The following BDP1 variants were observed in gnomAD, a reference collection of about 807,000 sequenced individuals.
The protein encoded by BDP1 is transcription factor TFIIIB component B'' homolog.
A neutral mutation model predicts 266.6 loss-of-function variants in BDP1; 169 were observed. The ratio of observed to expected loss-of-function variants is 0.63; its 90% CI spans 0.56 to 0.72. The LOEUF (loss-of-function observed/expected upper bound fraction) is 0.72. BDP1 is among the 30% of genes least tolerant of loss of function. The pLI is 0.00. For synonymous variants in BDP1, 1,090 were observed against 1,022.4 expected, an observed-to-expected ratio of 1.07 and a Z score of -1.26; for missense variants, 3,015 against 3,053.8, an observed-to-expected ratio of 0.99 and a Z score of 0.30.
chr5:71,552,971 G>C, intron 34 of BDP1, 145 bp from the exon 35 acceptor site: 1 of 664,586 alleles, frequency 1.5e-6, no homozygotes, highest in East Asian at 2.7e-5. Context: ...CTCTTAGTTT[G>C]GAGTTTTTTG....
At chr5:71,477,172 T>C (rs1392507719) in intron 7 of BDP1, among the ~76,000 whole-genome samples, 2 of 152,028 alleles carry the variant, frequency 1.3e-5, no homozygotes, top group Non-Finnish European at 2.9e-5. Context: ...TTTCTTTTTT[T>C]TTCTTTCGAG....
At chr5:71,498,201 T>C (rs1764010904) in intron 13 of BDP1, among the ~76,000 whole-genome samples, 1 of 152,098 alleles carries the variant, frequency 6.6e-6, no homozygotes, top group Admixed American at 6.6e-5. Flanking sequence ...CTGCCTGCTT[T>C]GGCCTCCCAA....
Position 71,510,145 on chromosome 5 carries a change from A to T in BDP1, c.3053A>T (p.Glu1018Val). The change falls in exon 17 of 39, where the codon GAG (glutamate) becomes GTG (valine). Residue 1018 changes from glutamate (E) to valine (V), a missense_variant. Physicochemically the swap from Glu to Val is moderately radical, Grantham distance 121. Coordinates refer to ENST00000358731, the MANE Select transcript of BDP1 (RefSeq NM_018429.3). ...METDLNATGR[E>V]SSPREKTPEV... ...ACAGATTTGAACGCAACTGGAAGAGAGAGTTCTCCAAGGGAGAAGACACCA... is the reference window on the plus strand; with the variant it reads ...ACAGATTTGAACGCAACTGGAAGAGTGAGTTCTCCAAGGGAGAAGACACCA... 1 of 1,614,002 alleles carries T rather than the reference A, an allele frequency of 6.2e-7. No homozygotes were observed. Among genetic ancestry groups the T allele is most frequent in the African/African-American group, 1.3e-5 (1 of 74,978 alleles).
intron 24 of BDP1, 46 bp downstream of exon 24, chr5:71,522,995 CACTTA>C: frequency 2.7e-6 from 4 of 1,492,394 alleles, no homozygotes; most frequent in East Asian, 2.4e-5. Flanking sequence ...AAATAAAAAT[CACTTA>C]ACTTTTACCT....
intron 30 of BDP1, among the ~76,000 whole-genome samples, chr5:71,542,484 C>T (rs551937344): frequency 5.3e-5 from 8 of 151,994 alleles, no homozygotes; most frequent in African/African-American, 1.9e-4. Flanking sequence ...ATTTTTTGTC[C>T]TTTTATTCTC....
At chr5:71,489,847 G>T (rs922718177) in intron 10 of BDP1, among the ~76,000 whole-genome samples, 165 bp downstream of exon 10, 8 of 152,132 alleles carry the variant, frequency 5.3e-5, no homozygotes, top group Non-Finnish European at 8.8e-5. Flanking sequence ...AATTAAAAAA[G>T]TTTATGTAAA....
chr5:71,458,744 A>G lies in BDP1; in HGVS notation c.378A>G (p.Pro126=). 6.2e-7 allele frequency: 1 copy of G among 1,614,182 alleles called. No homozygotes were observed. Among genetic ancestry groups the G allele is most frequent in the Non-Finnish European group, 8.5e-7 (1 of 1,180,024 alleles). The change falls in exon 2 of 39, where the codon CCA becomes CCG. Residue 126 remains proline, a synonymous_variant. Transcript: ENST00000358731. ...TATCTACAATTAATCAAGAGGCTCC[A>G]CAGCCAACTGCCACTTCAACAAAAG... ...HPLSTINQEA[P]QPTATSTKEK...
chr5:71,553,420 T>G, intron 35 of BDP1, 100 bp downstream of exon 35: 1 of 734,906 alleles, frequency 1.4e-6, no homozygotes, highest in Non-Finnish European at 2.2e-6. Context: ...CTTTAAACTT[T>G]TAGATATATA....
At chr5:71,492,439 A>G (rs1306887469) in intron 11 of BDP1, among the ~76,000 whole-genome samples, 1 of 152,170 alleles carries the variant, frequency 6.6e-6, no homozygotes, top group Non-Finnish European at 1.5e-5. Context: ...CCTTCTGAAC[A>G]GGTAGAAGGT....
At chr5:71,474,588 C>T (rs1427828312) in intron 7 of BDP1, among the ~76,000 whole-genome samples, 1 of 151,884 alleles carries the variant, frequency 6.6e-6, no homozygotes, top group Non-Finnish European at 1.5e-5. Context: ...TGACTCACGC[C>T]TGTAATCCTA....
chr5:71,461,421 G>T (rs796523635), intron 2 of BDP1, among the ~76,000 whole-genome samples: 1 of 151,248 alleles, frequency 6.6e-6, no homozygotes, highest in African/African-American at 2.4e-5. Context: ...CCTTGGCAAC[G>T]TAGGGAGACT....
rs13173657 is a variant in BDP1 at position 71,546,645 on chromosome 5, A to C, written c.6744+1426A>C. ...AAAAAAAAAAAAAAAAAAAAAAAAA[A>C]CCAAAAAACTGAATCATTTGAAAGT... On this transcript the variant is annotated intron_variant, in intron 32 of 38. Transcript: ENST00000358731. Among the ~76,000 whole-genome samples the C allele has an allele frequency of 3.7e-5, 5 of 134,484 alleles. No individual in the cohort carries two copies. In the South Asian group the frequency reaches 1.2e-3, roughly 33 times the overall value. The allele number at this position is 134,484 out of a possible 152,430, so 88.2% of individuals were successfully genotyped here.
In BDP1 at chr5:71,456,006, T is replaced by C. The variant is rs1461847087; in HGVS notation, c.129T>C (p.Ser43=). 1.9e-6 allele frequency: 3 copies of C among 1,613,620 alleles called. No homozygotes were observed. The highest frequency in any genetic ancestry group is 2.5e-6 in the Non-Finnish European group (3 of 1,180,014). Residue 43 remains serine, a synonymous_variant, in exon 1 of 39, where the codon TCT becomes TCC. Transcript: ENST00000358731. ...SPRPPDPATD[S]ASKPAEPTDV... is the part of the protein sequence containing the mutation. ...GGCCGCCGGATCCTGCCACGGACTC[T>C]GCTTCCAAGCCCGCGGAGCCCACAG...
intron 26 of BDP1, among the ~76,000 whole-genome samples, chr5:71,537,076 G>A (rs930357837): frequency 1.3e-5 from 2 of 148,866 alleles, no homozygotes; most frequent in African/African-American, 5.0e-5. Flanking sequence ...TGCAGTGAGT[G>A]GAGATTGCAC....
Position 71,501,673 on chromosome 5 carries a change from TAAAAAAA to T in BDP1, c.2048+34_2048+40del. ...ATCTGTGTGAGTATTCAGGAAGTAG[TAAAAAAA>T]AAAAAAAAAAAAAGTAACTCTTAGG... On this transcript the variant is annotated intron_variant, in intron 14 of 38. Transcript: ENST00000358731. 12 of 544,626 alleles carry T rather than the reference TAAAAAAA, an allele frequency of 2.2e-5. No individual in the cohort carries two copies. The highest frequency in any genetic ancestry group is 1.1e-4 in the Admixed American group (3 of 27,988). 33.7% of individuals were successfully genotyped at this position (544,626 alleles called of 1,614,324 possible).
intron 15 of BDP1, among the ~76,000 whole-genome samples, chr5:71,503,270 AGCC>A (rs1764372111): frequency 6.6e-6 from 1 of 152,156 alleles, no homozygotes; most frequent in Non-Finnish European, 1.5e-5. Context: ...TACAGGCATG[AGCC>A]ACTGTGCCCA....
At chr5:71,537,456 C>G (rs1766698182) in intron 26 of BDP1, among the ~76,000 whole-genome samples, 1 of 152,126 alleles carries the variant, frequency 6.6e-6, no homozygotes, top group Non-Finnish European at 1.5e-5. Context: ...AAAAAACTTG[C>G]ATTTGTGAAA....
Position 71,548,743 on chromosome 5 carries a change from C to T in BDP1, c.6806C>T (p.Thr2269Ile), listed in dbSNP as rs1451589142. 3 of 1,591,424 alleles carry T rather than the reference C, an allele frequency of 1.9e-6. No homozygotes were observed. The highest frequency in any genetic ancestry group is 2.2e-5 in the East Asian group (1 of 44,682). ...AATATAATCAATCCTCAAGACCTAACAGGTATGATAATATGCTTCAGTGAC... is the reference window on the plus strand; with the variant it reads ...AATATAATCAATCCTCAAGACCTAATAGGTATGATAATATGCTTCAGTGAC... ...QENIINPQDLTVNLVANVPQD... is the reference protein window; with the variant it reads ...QENIINPQDLIVNLVANVPQD... The change falls in exon 33 of 39, where the codon ACA becomes ATA. Residue 2269 changes from threonine to isoleucine, a missense_variant and splice_region_variant. By Grantham distance (89) the Thr-to-Ile change is moderately conservative. Around this residue, in one of 3 missense-constraint regions of BDP1, gnomAD observed 629 missense variants for 632.5 expected, o/e 0.99. Coordinates refer to ENST00000358731, the MANE Select transcript of BDP1 (RefSeq NM_018429.3).
chr5:71,472,833 G>A (rs1762328965), intron 7 of BDP1, among the ~76,000 whole-genome samples: 1 of 148,700 alleles, frequency 6.7e-6, no homozygotes, highest in South Asian at 2.2e-4. Context: ...TTTGGAGGAA[G>A]AGTTTATTTT....
Sources: allele counts gnomAD v4.1 joint callset (sites outside exome capture counted in the v4.1 genomes callset), GRCh38; gene constraint gnomAD v4.1.1; regional missense constraint gnomAD v4.1.1; transcripts MANE v1.5; gene names NCBI Gene and HGNC (gene_info 2026-07-23, HGNC 2026-07-21).